Variants in PUF60 observed in about 807,000 individuals in gnomAD.
PUF60 encodes the protein poly(U)-binding-splicing factor PUF60.
A neutral mutation model predicts 61.8 loss-of-function variants in PUF60; 10 were observed. The observed-to-expected ratio is 0.16, with a 90% CI of 0.10 to 0.27. The LOEUF (loss-of-function observed/expected upper bound fraction) is 0.27. Among genes scored for constraint, PUF60 ranks in the 10% least tolerant of loss-of-function variants. The probability of loss-of-function intolerance (pLI) is 1.00; values close to 1 mark genes in which losing one functional copy is unlikely to be tolerated. For missense variants in PUF60, 371 were observed against 754.0 expected, an observed-to-expected ratio of 0.49 and a Z score of 5.95; for synonymous variants, 353 against 300.9, an observed-to-expected ratio of 1.17 and a Z score of -1.79.
intron 5 of PUF60, 103 bp downstream of exon 5, chr8:143,820,563 G>C: frequency 7.7e-7 from 1 of 1,307,142 alleles, no homozygotes; most frequent in Non-Finnish European, 1.1e-6. Context: ...CTGGCGGGCA[G>C]GGCCGGCCAG....
Position 143,817,968 on chromosome 8 carries a change from G to C in PUF60, c.711C>G (p.Leu237=). 6.2e-7 allele frequency: 1 copy of C among 1,612,968 alleles called. No individual in the cohort carries two copies. Among genetic ancestry groups the C allele is most frequent in the Admixed American group, 1.7e-5 (1 of 60,012 alleles). ...ACACGCTCTTGATGTCATCGTCTGAGAGGTCCTGGTGCACAGAGGCCACGT... is the reference window on the plus strand; with the variant it reads ...ACACGCTCTTGATGTCATCGTCTGACAGGTCCTGGTGCACAGAGGCCACGT... The part of the protein sequence containing the change: ...RIYVASVHQD[L]SDDDIKSVFE... Residue 237 remains leucine (L), a synonymous_variant, in exon 8 of 12, where the codon CTC becomes CTG. Transcript: ENST00000526683. This position sits in a 1 kb window ranked among gnomAD's most constrained non-coding sequence, Gnocchi z 7.4.
At chr8:143,826,100 C>T (rs1817608922) in intron 1 of PUF60, among the ~76,000 whole-genome samples, 1 of 152,182 alleles carries the variant, frequency 6.6e-6, no homozygotes. Flanking sequence ...CAGCTAGTCA[C>T]GTACTGCCAT....
rs1484122924 is a variant in PUF60, at chr8:143,816,890, C to T, written c.1380+20G>A. 6.4e-7 allele frequency: 1 copy of T among 1,565,332 alleles called. No homozygotes were observed. The highest frequency in any genetic ancestry group is 8.7e-7 in the Non-Finnish European group (1 of 1,154,536). ...GCCCCCCTACCCTCTCCCCCGCCAC[C>T]ACCCTGCCCCTCTGCCTACCTCCTG... On this transcript the variant is annotated intron_variant, in intron 11 of 11. Transcript: ENST00000526683.
Position 143,829,281 on chromosome 8 carries a change from A to T in PUF60, c.23T>A (p.Leu8His). 7.9e-7 allele frequency: 1 copy of T among 1,265,670 alleles called. No homozygotes were observed. 78.4% of individuals were successfully genotyped at this position (1,265,670 alleles called of 1,614,324 possible). A position where few individuals can be genotyped will look rare whatever the true frequency, so the allele number is the denominator to read the frequency against. ...GCGCTCATGGGGGGGCTCACTTACGAGAGCTATGGTCGCCGTCGCCATCTT... is the reference window on the plus strand; with the variant it reads ...GCGCTCATGGGGGGGCTCACTTACGTGAGCTATGGTCGCCGTCGCCATCTT... MATATIA[L>H]QVNGQQGGGS... The change falls in exon 1 of 12, where the codon CTC (leucine) becomes CAC (histidine). Residue 8 changes from leucine (L) to histidine (H), a missense_variant and splice_region_variant. Leu to His is a moderately conservative substitution (Grantham distance 99). Transcript: ENST00000526683.
At chr8:143,825,682 G>A (rs980598763) in intron 1 of PUF60, among the ~76,000 whole-genome samples, 1 of 152,196 alleles carries the variant, frequency 6.6e-6, no homozygotes, top group African/African-American at 2.4e-5. Context: ...GGGGGTCTCC[G>A]TGTTGCCCAA....
At chr8:143,821,066 G>A (rs891823490) in intron 4 of PUF60, among the ~76,000 whole-genome samples, 1 of 152,206 alleles carries the variant, frequency 6.6e-6, no homozygotes, top group African/African-American at 2.4e-5. Flanking sequence ...GGAACCTGTC[G>A]GCCTCACACC....
chr8:143,819,652 G>A (rs898359775), intron 5 of PUF60, among the ~76,000 whole-genome samples: 1 of 152,162 alleles, frequency 6.6e-6, no homozygotes, highest in African/African-American at 2.4e-5. Context: ...CCCTGAAAAC[G>A]AGACTGTGTT....
chr8:143,825,223 T>C (rs1199166045), intron 1 of PUF60: 1 of 152,232 alleles, frequency 6.6e-6, no homozygotes, highest in Non-Finnish European at 1.5e-5. Context: ...AGACCCACAA[T>C]ATCTAAGAAC....
In PUF60 at chr8:143,816,532, G is replaced by A. The variant is rs746885363; in HGVS notation, c.1668C>T (p.Asp556=). The A allele has an allele frequency of 1.0e-4, 168 of 1,610,146 alleles. No individual in the cohort carries two copies. The highest frequency in any genetic ancestry group is 1.2e-4 in the Non-Finnish European group (147 of 1,177,906). ...VYDQERFDNS[D]LSA ...AGAGGGACCACTGTCACGCAGAGAGGTCACTGTTATCAAAACGCTCCTGGT... is the reference window on the plus strand; with the variant it reads ...AGAGGGACCACTGTCACGCAGAGAGATCACTGTTATCAAAACGCTCCTGGT... Residue 556 remains aspartate, a synonymous_variant, in exon 12 of 12, where the codon GAC becomes GAT. Coordinates refer to ENST00000526683, the MANE Select transcript of PUF60 (RefSeq NM_078480.3).
In PUF60 at chr8:143,818,835, C is replaced by T. The variant is rs1408781342; in HGVS notation, c.349-301G>A. Reference sequence around the variant, plus strand: ...GAGGCAGGGCTGTGCGCCCTCCCACCCAGACCACCCCTCCAGTCTGGGGGC... The same window carrying T: ...GAGGCAGGGCTGTGCGCCCTCCCACTCAGACCACCCCTCCAGTCTGGGGGC... On this transcript the variant is annotated intron_variant, in intron 5 of 11. Coordinates refer to ENST00000526683, the MANE Select transcript of PUF60 (RefSeq NM_078480.3). This position sits in a 1 kb window ranked among gnomAD's most constrained non-coding sequence, Gnocchi z 7.9. The T allele has an allele frequency of 7.1e-6, 3 of 424,300 alleles. No homozygotes were observed. The highest frequency in any genetic ancestry group is 1.3e-5 in the Non-Finnish European group (3 of 237,392). The allele number at this position is 424,300 out of a possible 1,614,324, so 26.3% of individuals were successfully genotyped here.
At chr8:143,826,689 A>G (rs1274991417) in intron 1 of PUF60, among the ~76,000 whole-genome samples, 4 of 152,210 alleles carry the variant, frequency 2.6e-5, no homozygotes, top group Non-Finnish European at 5.9e-5. Context: ...ACTGCACTCT[A>G]GCCTGGGCGA....
chr8:143,824,414 G>A lies in PUF60; in HGVS notation c.25-15C>T. On this transcript the variant is annotated splice_polypyrimidine_tract_variant and intron_variant, in intron 1 of 11. Coordinates refer to ENST00000526683, the MANE Select transcript of PUF60 (RefSeq NM_078480.3). ...CCATTGACCTGCTGCAGGCAGGAAG[G>A]AGATGTTGTAACGACAGGCACACCA... 2.5e-6 allele frequency: 4 copies of A among 1,610,078 alleles called. No individual in the cohort carries two copies. Among genetic ancestry groups the A allele is most frequent in the Non-Finnish European group, 2.5e-6 (3 of 1,179,488 alleles).
At chr8:143,828,422 G>A (rs1374969849) in intron 1 of PUF60, among the ~76,000 whole-genome samples, 1 of 152,266 alleles carries the variant, frequency 6.6e-6, no homozygotes, top group African/African-American at 2.4e-5. Context: ...TAAGCTAAGT[G>A]GTGAGAAGGA....
At position 143,817,810 on chromosome 8, in the gene PUF60, GCCA is replaced by G. The variant is rs758779846; in HGVS notation, c.818-31_818-29del. The stretch of plus-strand genomic sequence containing the variant: ...GTGGGCAGGAGCAGCAGTGAGCAGG[GCCA>G]GCCCCAGCCTCAGGTGGCCCCCATC... On this transcript the variant is annotated intron_variant, in intron 8 of 11. Coordinates refer to ENST00000526683, the MANE Select transcript of PUF60 (RefSeq NM_078480.3). This position sits in a 1 kb window ranked among gnomAD's most constrained non-coding sequence, Gnocchi z 7.4. 6 of 1,605,748 alleles carry G rather than the reference GCCA, an allele frequency of 3.7e-6. No homozygotes were observed. The highest frequency in any genetic ancestry group is 1.3e-5 in the African/African-American group (1 of 74,748).
Position 143,817,280 on chromosome 8 carries a change from G to A in PUF60, c.1144+51C>T, listed in dbSNP as rs1816450918. 7.1e-6 allele frequency: 11 copies of A among 1,558,444 alleles called. No homozygotes were observed. The East Asian group carries it at 9.0e-5, about 13-fold the overall frequency. Reference sequence around the variant, plus strand: ...GCCAGGCAGCTGAGGGCAGCGAGCCGAGAGATGCCAGGACAGGAGAGGAGA... The same window carrying A: ...GCCAGGCAGCTGAGGGCAGCGAGCCAAGAGATGCCAGGACAGGAGAGGAGA... On this transcript the variant is annotated intron_variant, in intron 10 of 11. Transcript: ENST00000526683. This position sits in a 1 kb window ranked among gnomAD's most constrained non-coding sequence, Gnocchi z 7.4.
intron 2 of PUF60, among the ~76,000 whole-genome samples, chr8:143,823,951 C>G (rs1196595838): frequency 6.6e-6 from 1 of 152,288 alleles, no homozygotes; most frequent in Non-Finnish European, 1.5e-5. Flanking sequence ...TCAAGCACTG[C>G]GAGTTCTGGG....
At position 143,821,689 on chromosome 8, in the gene PUF60, G is replaced by T; in HGVS notation, c.208-3C>A. The T allele has an allele frequency of 6.5e-7, 1 of 1,548,944 alleles. No individual in the cohort carries two copies. Reference sequence around the variant, plus strand: ...TGCTCCATGGCGTACTTCTTGGCCTGAGAGAGGCGGCAGTGAGGAGCACTG... The same window carrying T: ...TGCTCCATGGCGTACTTCTTGGCCTTAGAGAGGCGGCAGTGAGGAGCACTG... On this transcript the variant is annotated splice_polypyrimidine_tract_variant and splice_region_variant and intron_variant, in intron 3 of 11. Coordinates refer to ENST00000526683, the MANE Select transcript of PUF60 (RefSeq NM_078480.3).
chr8:143,816,483 CAAGG>C lies in PUF60; in HGVS notation c.*33_*36del, dbSNP rs776204092. 5 of 1,574,516 alleles carry C rather than the reference CAAGG, an allele frequency of 3.2e-6. No individual in the cohort carries two copies. In the Admixed American group the frequency reaches 8.9e-5, roughly 28 times the overall value. On this transcript the variant is annotated 3_prime_UTR_variant, in exon 12 of 12. Transcript: ENST00000526683. ...GTATCACTATAAAACCCAGAGGAAA[CAAGG>C]AACAAGTGCAAGTCCGGGGAGAGGG... is the stretch of plus-strand genomic sequence containing the variant.
At chr8:143,822,510 C>T (rs749812840) in intron 2 of PUF60, 2 of 456,658 alleles carry the variant, frequency 4.4e-6, no homozygotes, top group South Asian at 1.5e-5. Flanking sequence ...AGGCCTCTCT[C>T]GGGCCACACA....
Sources: allele counts gnomAD v4.1 joint callset (sites outside exome capture counted in the v4.1 genomes callset), GRCh38; gene constraint gnomAD v4.1.1; non-coding constraint Gnocchi (gnomAD v3.1); transcripts MANE v1.5; gene names NCBI Gene and HGNC (gene_info 2026-07-23, HGNC 2026-07-21).